PRELID2: variants seen among roughly 807,000 people sequenced by gnomAD.
The protein encoded by PRELID2 is PRELI domain containing 2.
In PRELID2, 25 loss-of-function variants were observed where a neutral mutation model predicts 28.4. That is an observed-to-expected ratio of 0.88 (90% CI 0.64 to 1.23). The LOEUF is 1.23. PRELID2 is among the 50% of genes most tolerant of loss of function. The pLI, the probability that PRELID2 is intolerant of heterozygous loss-of-function variation, is 0.00. For synonymous variants in PRELID2, 76 were observed against 71.6 expected, an observed-to-expected ratio of 1.06 and a Z score of -0.31; for missense variants, 201 against 214.4, an observed-to-expected ratio of 0.94 and a Z score of 0.39.
chr5:145,363,686 T>C, the PRELID2 span, among the ~76,000 whole-genome samples: 6 of 152,080 alleles, frequency 3.9e-5, no homozygotes, highest in Admixed American at 3.9e-4. Flanking sequence ...AATTAATTAG[T>C]TCTTTAGTTC....
At chr5:145,443,031 G>A in the PRELID2 span, among the ~76,000 whole-genome samples, 1 of 151,944 alleles carries the variant, frequency 6.6e-6, no homozygotes, top group Non-Finnish European at 1.5e-5. Context: ...CTCTCCACAA[G>A]GGTCGCATTC....
At chr5:145,535,637 A>G (rs1294903203) in intron 1 of PRELID2, among the ~76,000 whole-genome samples, 2 of 151,906 alleles carry the variant, frequency 1.3e-5, no homozygotes, top group African/African-American at 2.4e-5. Flanking sequence ...GATGGAAGGA[A>G]CAATGAGGCA....
the PRELID2 span, among the ~76,000 whole-genome samples, chr5:145,280,674 A>T: frequency 6.6e-6 from 1 of 151,764 alleles, no homozygotes; most frequent in African/African-American, 2.4e-5. Flanking sequence ...TAATAAAATA[A>T]ATAAAGAGAA....
chr5:145,714,263 T>C (rs1755784064), intron 1 of PRELID2, among the ~76,000 whole-genome samples: 1 of 152,104 alleles, frequency 6.6e-6, no homozygotes. Flanking sequence ...TAGAATTAAA[T>C]AAGTGTGACA....
intron 5 of PRELID2, among the ~76,000 whole-genome samples, chr5:145,772,790 T>C (rs1303376409): frequency 6.6e-6 from 1 of 152,326 alleles, no homozygotes; most frequent in Non-Finnish European, 1.5e-5. Context: ...TTGGCTGTAT[T>C]CAAAGAGCCT....
chr5:145,336,853 A>G, the PRELID2 span, among the ~76,000 whole-genome samples: 1 of 151,154 alleles, frequency 6.6e-6, no homozygotes, highest in Non-Finnish European at 1.5e-5. Context: ...TCAGTAAACT[A>G]TCGCAAGAAC....
chr5:145,429,129 C>T, the PRELID2 span, among the ~76,000 whole-genome samples: 2 of 152,130 alleles, frequency 1.3e-5, no homozygotes, highest in African/African-American at 2.4e-5. Flanking sequence ...TGTGTGAAAA[C>T]ATTAAGAGCA....
At chr5:145,292,931 G>A in the PRELID2 span, among the ~76,000 whole-genome samples, 19 of 151,554 alleles carry the variant, frequency 1.3e-4, no homozygotes, top group Admixed American at 1.1e-3. Flanking sequence ...TTGTTGCCTA[G>A]GCCAGTCTCA....
chr5:145,775,052 C>A (rs1284098255), intron 5 of PRELID2, among the ~76,000 whole-genome samples: 1 of 152,044 alleles, frequency 6.6e-6, no homozygotes, highest in Non-Finnish European at 1.5e-5. Context: ...CCAGCCTGGC[C>A]AACATGGTGA....
the PRELID2 span, among the ~76,000 whole-genome samples, chr5:145,418,206 G>T: frequency 6.6e-6 from 1 of 151,950 alleles, no homozygotes; most frequent in Non-Finnish European, 1.5e-5. Flanking sequence ...ATTTCCAGGA[G>T]AACTATAAAG....
the PRELID2 span, among the ~76,000 whole-genome samples, chr5:145,371,537 A>C: frequency 6.6e-6 from 1 of 151,894 alleles, no homozygotes; most frequent in African/African-American, 2.4e-5. Flanking sequence ...GGATTTTCAT[A>C]CCAATGTTCA....
intron 1 of PRELID2, among the ~76,000 whole-genome samples, chr5:145,674,613 C>T (rs2149685168): frequency 6.6e-6 from 1 of 152,194 alleles, no homozygotes; most frequent in South Asian, 2.1e-4. Flanking sequence ...TTCCTCACTC[C>T]ATATACCAAT....
chr5:145,306,502 T>C, the PRELID2 span, among the ~76,000 whole-genome samples: 17 of 152,224 alleles, frequency 1.1e-4, no homozygotes, highest in Admixed American at 1.1e-3. Context: ...TTTATATTAG[T>C]TACTTAAAAG....
intron 1 of PRELID2, among the ~76,000 whole-genome samples, chr5:145,526,903 C>T (rs1410263835): frequency 6.6e-6 from 1 of 152,102 alleles, no homozygotes; most frequent in African/African-American, 2.4e-5. Flanking sequence ...AGTAATAGTT[C>T]ATCAAAAGCC....
At chr5:145,290,011 A>G in the PRELID2 span, among the ~76,000 whole-genome samples, 1 of 152,132 alleles carries the variant, frequency 6.6e-6, no homozygotes, top group Non-Finnish European at 1.5e-5. Flanking sequence ...GCTCATCATC[A>G]CTGGCCATCA....
chr5:145,615,487 C>T lies in PRELID2; in HGVS notation n.71-142172G>A, dbSNP rs540349624. ...GACTACAGGTGCCCGCCACCTCGCC[C>T]GGCTAATTTTTTGTATTTTTAGTAG... On this transcript the variant is annotated intron_variant and non_coding_transcript_variant, in intron 1 of 2. Coordinates refer to the PRELID2 transcript ENST00000510259. 7.9e-4 allele frequency among the ~76,000 whole-genome samples: 113 copies of T among 143,712 alleles called. 6 individuals carry two copies. Among genetic ancestry groups the T allele is most frequent in the Non-Finnish European group, 1.2e-3 (81 of 67,202 alleles). 94.3% of individuals were successfully genotyped at this position (143,712 alleles called of 152,430 possible).
chr5:145,475,517 T>C (rs936100246), intron 1 of PRELID2, among the ~76,000 whole-genome samples: 1 of 152,180 alleles, frequency 6.6e-6, no homozygotes, highest in African/African-American at 2.4e-5. Flanking sequence ...AACGCAGTTC[T>C]TACTACATGA....
chr5:145,747,158 C>A (rs1302573438), intron 1 of PRELID2, among the ~76,000 whole-genome samples: 1 of 149,530 alleles, frequency 6.7e-6, no homozygotes, highest in Non-Finnish European at 1.5e-5. Flanking sequence ...CAAAAGCTAG[C>A]AGAAGACAAG....
At chr5:145,744,481 G>A (rs1194361944) in intron 1 of PRELID2, among the ~76,000 whole-genome samples, 1 of 152,158 alleles carries the variant, frequency 6.6e-6, no homozygotes, top group African/African-American at 2.4e-5. Flanking sequence ...TGAGGTCAGA[G>A]ATCCCAGAAG....
Sources: allele counts gnomAD v4.1 joint callset (sites outside exome capture counted in the v4.1 genomes callset), GRCh38; gene constraint gnomAD v4.1.1; transcripts MANE v1.5; gene names NCBI Gene and HGNC (gene_info 2026-07-23, HGNC 2026-07-21).